Variants in HSDL2 observed in about 807,000 individuals in gnomAD.
The protein encoded by HSDL2 is hydroxysteroid dehydrogenase-like protein 2.
HSDL2 carries 27 observed loss-of-function variants against 46.3 expected under a neutral mutation model. The observed-to-expected ratio is 0.58, with a 90% CI of 0.43 to 0.80. The LOEUF (loss-of-function observed/expected upper bound fraction) is 0.80. Among genes scored for constraint, HSDL2 ranks in the 30% least tolerant of loss-of-function variants. HSDL2 has a pLI of 0.00. For missense variants in HSDL2, 451 were observed against 502.7 expected (o/e 0.90, Z 0.98); for synonymous variants, 153 against 163.6 (o/e 0.94, Z 0.50).
Position 112,409,010 on chromosome 9 carries a change from CACCT to C in HSDL2, c.389_392del (p.Tyr130LeufsTer10), listed in dbSNP as rs1831798318. ...TGATGATGAACGTGAACACCAGAGG[CACCT>C]ACCTTGCGTAAGTTTGCAAGAAGAG... On this transcript the variant is annotated frameshift_variant, in exon 4 of 11. Transcript: ENST00000398805. LOFTEE classifies it high-confidence loss of function. 6.3e-7 allele frequency: 1 copy of C among 1,592,196 alleles called. No homozygotes were observed. The highest frequency in any genetic ancestry group is 1.3e-5 in the African/African-American group (1 of 74,292).
chr9:112,390,262 T>C (rs1831312269), intron 1 of HSDL2, among the ~76,000 whole-genome samples: 1 of 152,044 alleles, frequency 6.6e-6, no homozygotes, highest in Non-Finnish European at 1.5e-5. Context: ...TGGTACAGAA[T>C]AGAGAGTCCA....
chr9:112,424,152 C>G (rs1832196150), intron 6 of HSDL2, among the ~76,000 whole-genome samples: 1 of 151,566 alleles, frequency 6.6e-6, no homozygotes, highest in South Asian at 2.1e-4. Flanking sequence ...AACCCTGTCT[C>G]TACTAAAAAT....
At chr9:112,431,987 C>T (rs562643946) in intron 6 of HSDL2, among the ~76,000 whole-genome samples, 1 of 151,258 alleles carries the variant, frequency 6.6e-6, no homozygotes, top group Admixed American at 6.6e-5. Flanking sequence ...TCAAGCGATT[C>T]TCCTGCCTCA....
At chr9:112,400,283 CTT>C (rs1831559004) in intron 1 of HSDL2, among the ~76,000 whole-genome samples, 3 of 152,248 alleles carry the variant, frequency 2.0e-5, no homozygotes, top group Admixed American at 2.0e-4. Flanking sequence ...TACGGGAACT[CTT>C]ATACTCATTC....
At chr9:112,449,969 T>C (rs1288962376) in intron 8 of HSDL2, among the ~76,000 whole-genome samples, 1 of 152,182 alleles carries the variant, frequency 6.6e-6, no homozygotes, top group Non-Finnish European at 1.5e-5. Flanking sequence ...GAGGTTGCTT[T>C]TGTTCCTGTT....
At chr9:112,415,874 G>A (rs1028548823) in intron 4 of HSDL2, among the ~76,000 whole-genome samples, 2 of 152,064 alleles carry the variant, frequency 1.3e-5, no homozygotes, top group Non-Finnish European at 2.9e-5. Context: ...GTATCTTGGC[G>A]GAGCGTGGGT....
intron 1 of HSDL2, among the ~76,000 whole-genome samples, chr9:112,401,023 A>G (rs1283681135): frequency 6.6e-6 from 1 of 152,144 alleles, no homozygotes; most frequent in Admixed American, 6.5e-5. Flanking sequence ...AATTCAATCA[A>G]TAACAGGGAG....
chr9:112,432,757 T>C (rs1204372630), intron 6 of HSDL2, among the ~76,000 whole-genome samples: 1 of 152,128 alleles, frequency 6.6e-6, no homozygotes, highest in Admixed American at 6.6e-5. Context: ...TGATGAATTA[T>C]GTACTGGATG....
intron 1 of HSDL2, 91 bp downstream of exon 1, chr9:112,380,271 C>A (rs1831053273): frequency 7.5e-7 from 1 of 1,340,588 alleles, no homozygotes; most frequent in Non-Finnish European, 1.0e-6. Flanking sequence ...GCTGGCCGGC[C>A]CGGCTGTGGG....
At chr9:112,397,326 T>C (rs958456304) in intron 1 of HSDL2, among the ~76,000 whole-genome samples, 1 of 152,180 alleles carries the variant, frequency 6.6e-6, no homozygotes, top group Non-Finnish European at 1.5e-5. Context: ...AATTTTGTCA[T>C]TGGATGGCAT....
intron 1 of HSDL2, among the ~76,000 whole-genome samples, chr9:112,390,969 A>T (rs886694397): frequency 9.2e-5 from 14 of 152,018 alleles, no homozygotes; most frequent in Non-Finnish European, 1.5e-4. Flanking sequence ...TGAGGTCAGG[A>T]GTTCAAGACC....
chr9:112,413,458 G>A (rs538875718), intron 4 of HSDL2, among the ~76,000 whole-genome samples: 13 of 151,334 alleles, frequency 8.6e-5, no homozygotes, highest in Admixed American at 2.0e-4. Flanking sequence ...AGAGTGCAAC[G>A]AGAGCAACAA....
chr9:112,438,170 A>C (rs1206257931), intron 6 of HSDL2, among the ~76,000 whole-genome samples: 1 of 152,246 alleles, frequency 6.6e-6, no homozygotes, highest in East Asian at 1.9e-4. Context: ...CCCAGGAGGC[A>C]GAGGTTGCGG....
intron 7 of HSDL2, among the ~76,000 whole-genome samples, chr9:112,439,565 A>C (rs888278415): frequency 6.6e-6 from 1 of 152,186 alleles, no homozygotes; most frequent in Non-Finnish European, 1.5e-5. Flanking sequence ...CATACATAGG[A>C]GTTATATTTA....
intron 10 of HSDL2, among the ~76,000 whole-genome samples, chr9:112,463,135 T>C (rs1192883076): frequency 2.0e-5 from 3 of 152,216 alleles, no homozygotes; most frequent in Non-Finnish European, 2.9e-5. Context: ...AGTTTTTGGC[T>C]ATTATGGATA....
chr9:112,461,761 A>G (rs1587970806), intron 10 of HSDL2, among the ~76,000 whole-genome samples: 2 of 152,232 alleles, frequency 1.3e-5, no homozygotes, highest in East Asian at 3.8e-4. Context: ...AATCCAAGCT[A>G]ACTCCAAAGC....
chr9:112,380,322 C>A (rs921115148), intron 1 of HSDL2, 142 bp downstream of exon 1: 1 of 729,364 alleles, frequency 1.4e-6, no homozygotes, highest in East Asian at 3.1e-5. Context: ...AGCTCTGGTC[C>A]GCGCTGGGCA....
intron 8 of HSDL2, among the ~76,000 whole-genome samples, chr9:112,447,902 C>T (rs1379396400): frequency 6.6e-6 from 1 of 152,204 alleles, no homozygotes; most frequent in Non-Finnish European, 1.5e-5. Flanking sequence ...TATCTGGTCA[C>T]CATCATGAGT....
chr9:112,389,784 G>A (rs1017463503), intron 1 of HSDL2, among the ~76,000 whole-genome samples: 8 of 152,130 alleles, frequency 5.3e-5, no homozygotes, highest in Non-Finnish European at 1.0e-4. Context: ...ATATATGTGG[G>A]CCGGGCGTGG....
Sources: gnomAD v4.1 joint callset for allele counts (sites outside exome capture counted in the v4.1 genomes callset) on GRCh38, gnomAD v4.1.1 for gene constraint, MANE v1.5 for transcripts, NCBI Gene and HGNC (gene_info 2026-07-23, HGNC 2026-07-21) for gene names.